CNKSR3: variants seen among roughly 807,000 people sequenced by gnomAD.
CNKSR3 encodes the protein CNKSR family member 3.
Under a neutral mutation model 67.7 loss-of-function variants are expected in CNKSR3, and 36 were observed. The observed-to-expected ratio is 0.53, with a 90% CI of 0.41 to 0.70. The LOEUF (loss-of-function observed/expected upper bound fraction) is 0.70. Among genes scored for constraint, CNKSR3 ranks in the 30% least tolerant of loss-of-function variants. The pLI is 0.00. For missense variants in CNKSR3, 630 were observed against 695.2 expected (o/e 0.91, Z 1.05); for synonymous variants, 281 against 271.4 (o/e 1.04, Z -0.35).
At chr6:154,452,768 TAGAAG>T in intron 1 of CNKSR3, among the ~76,000 whole-genome samples, 1 of 152,308 alleles carries the variant, frequency 6.6e-6, no homozygotes, top group East Asian at 1.9e-4. Flanking sequence ...GTGTCCTTAT[TAGAAG>T]AGGAGATAAC....
At chr6:154,465,164 AG>A (rs1562345387) in intron 1 of CNKSR3, among the ~76,000 whole-genome samples, 1 of 135,484 alleles carries the variant, frequency 7.4e-6, no homozygotes, top group Non-Finnish European at 1.6e-5. Context: ...AAAAAAAAAA[AG>A]GGGGTCTGTG....
In CNKSR3 at chr6:154,402,139, C is replaced by T. The variant is rs897952899; in HGVS notation, c.*4215G>A. ...ATACTTGTTCTGAAAGAGATGGTAC[C>T]CTCCCCCACCTCCGCCCAAGAGGCA... On this transcript the variant is annotated 3_prime_UTR_variant, in exon 13 of 13. Coordinates refer to ENST00000607772, the MANE Select transcript of CNKSR3 (RefSeq NM_173515.4). 6.6e-6 allele frequency: 1 copy of T among 152,032 alleles called. No homozygotes were observed. Among genetic ancestry groups the T allele is most frequent in the Non-Finnish European group, 1.5e-5 (1 of 68,024 alleles). 9.4% of individuals were successfully genotyped at this position (152,032 alleles called of 1,614,324 possible). A position where few individuals can be genotyped will look rare whatever the true frequency, so the allele number is the denominator to read the frequency against.
chr6:154,461,083 G>A (rs1296291528), intron 1 of CNKSR3, among the ~76,000 whole-genome samples: 1 of 152,184 alleles, frequency 6.6e-6, no homozygotes, highest in East Asian at 1.9e-4. Flanking sequence ...CATGAATAGG[G>A]GGCGGCTTGA....
At chr6:154,451,258 A>C (rs1414067833) in intron 1 of CNKSR3, among the ~76,000 whole-genome samples, 2 of 152,244 alleles carry the variant, frequency 1.3e-5, no homozygotes, top group Admixed American at 6.5e-5. Context: ...TGTACAGAGA[A>C]CTTGTTTTAA....
In CNKSR3 at chr6:154,400,344, T is replaced by A. The variant is rs546651514; in HGVS notation, c.*6010A>T. 6.6e-6 allele frequency: 1 copy of A among 152,234 alleles called. No homozygotes were observed. Among genetic ancestry groups the A allele is most frequent in the Non-Finnish European group, 1.5e-5 (1 of 68,042 alleles). 9.4% of individuals were successfully genotyped at this position (152,234 alleles called of 1,614,324 possible). A position where few individuals can be genotyped will look rare whatever the true frequency, so the allele number is the denominator to read the frequency against. On this transcript the variant is annotated 3_prime_UTR_variant, in exon 13 of 13. Coordinates refer to ENST00000607772, the MANE Select transcript of CNKSR3 (RefSeq NM_173515.4). ...AGGTATGTTGTAAATGGGCAGCGCA[T>A]GAACAGGTGATCAACTCAGAAGACG...
intron 1 of CNKSR3, among the ~76,000 whole-genome samples, chr6:154,487,119 A>G (rs1188101773): frequency 6.6e-6 from 1 of 152,174 alleles, no homozygotes; most frequent in African/African-American, 2.4e-5. Flanking sequence ...ATATTAACAC[A>G]CTGCATAAAG....
intron 7 of CNKSR3, among the ~76,000 whole-genome samples, chr6:154,426,602 A>G (rs901418503): frequency 5.9e-5 from 9 of 152,004 alleles, no homozygotes; most frequent in Non-Finnish European, 1.2e-4. Context: ...TGATCTGCCC[A>G]CCTCAGCCTC....
rs1333061673 is a variant in CNKSR3 at position 154,393,946 on chromosome 6, C to T, written c.*12408G>A. The T allele has an allele frequency of 2.0e-5, 3 of 152,142 alleles. No homozygotes were observed. The highest frequency in any genetic ancestry group is 6.5e-5 in the Admixed American group (1 of 15,280). 9.4% of individuals were successfully genotyped at this position (152,142 alleles called of 1,614,324 possible). A position where few individuals can be genotyped will look rare whatever the true frequency, so the allele number is the denominator to read the frequency against. ...TAAGCTAAATATCCAACTTAAGAAA[C>T]ATGTCAGAGACCACTCATCCTGACC... On this transcript the variant is annotated 3_prime_UTR_variant, in exon 13 of 13. Transcript: ENST00000607772.
At chr6:154,465,950 G>T (rs574439923) in intron 1 of CNKSR3, among the ~76,000 whole-genome samples, 1 of 152,228 alleles carries the variant, frequency 6.6e-6, no homozygotes, top group Admixed American at 6.5e-5. Flanking sequence ...ATGTTTGAAT[G>T]TATCTCTAGA....
At chr6:154,455,939 T>G (rs886392429) in intron 1 of CNKSR3, among the ~76,000 whole-genome samples, 1 of 151,888 alleles carries the variant, frequency 6.6e-6, no homozygotes, top group African/African-American at 2.4e-5. Context: ...TAATCTCCCC[T>G]AAGTGTAGAA....
rs1305463353 is a variant in CNKSR3 at position 154,392,422 on chromosome 6, C to G, written c.*13932G>C. 2 of 152,200 alleles carry G rather than the reference C, an allele frequency of 1.3e-5. No homozygotes were observed. Among genetic ancestry groups the G allele is most frequent in the African/African-American group, 2.4e-5 (1 of 41,444 alleles). The allele number at this position is 152,200 out of a possible 1,614,324, so 9.4% of individuals were successfully genotyped here. A position where few individuals can be genotyped will look rare whatever the true frequency, so the allele number is the denominator to read the frequency against. On this transcript the variant is annotated 3_prime_UTR_variant, in exon 13 of 13. Transcript: ENST00000607772. ...TGTTCTACAAAGGCAGATGGCCAAA[C>G]AGCACACATAACAGGCACCCTAGAG... is the stretch of plus-strand genomic sequence containing the variant.
rs544341437 is a variant in CNKSR3 at position 154,419,188 on chromosome 6, C to T, written c.945+3318G>A. Among the ~76,000 whole-genome samples the T allele has an allele frequency of 2.0e-5, 3 of 152,092 alleles. No individual in the cohort carries two copies. The East Asian group carries it at 5.8e-4, about 29-fold the overall frequency. On this transcript the variant is annotated intron_variant, in intron 9 of 12. Transcript: ENST00000607772. The stretch of plus-strand genomic sequence containing the variant: ...AGCTGGGACAACAGGTACGTGCCAC[C>T]ACACCCAGCTAGTTGGTTTTAAAAA...
At chr6:154,478,780 C>T (rs1306548488) in intron 1 of CNKSR3, among the ~76,000 whole-genome samples, 1 of 152,204 alleles carries the variant, frequency 6.6e-6, no homozygotes, top group East Asian at 1.9e-4. Flanking sequence ...CCCTGTAAAA[C>T]TATCTTGACA....
chr6:154,405,669 A>C lies in CNKSR3; in HGVS notation c.*685T>G, dbSNP rs559247753. The stretch of plus-strand genomic sequence containing the variant: ...CCCTTAAAGACAATAATATATAACA[A>C]CACCACCCCACACAAATAACCATAA... On this transcript the variant is annotated 3_prime_UTR_variant, in exon 13 of 13. Transcript: ENST00000607772. The C allele has an allele frequency of 1.7e-4, 26 of 152,322 alleles. No individual in the cohort carries two copies. Among genetic ancestry groups the C allele is most frequent in the African/African-American group, 4.6e-4 (19 of 41,566 alleles). The allele number at this position is 152,322 out of a possible 1,614,324, so 9.4% of individuals were successfully genotyped here. A position where few individuals can be genotyped will look rare whatever the true frequency, so the allele number is the denominator to read the frequency against.
In CNKSR3 at chr6:154,391,017, T is replaced by A. The variant is rs1584036678; in HGVS notation, c.*15337A>T. ...GGTTTCACCATTCTGGCCAGGCTGG[T>A]CTCGAACTCCTGACCTCAAGTGATT... On this transcript the variant is annotated 3_prime_UTR_variant, in exon 13 of 13. Coordinates refer to ENST00000607772, the MANE Select transcript of CNKSR3 (RefSeq NM_173515.4). 6.6e-6 allele frequency: 1 copy of A among 152,096 alleles called. No homozygotes were observed. The highest frequency in any genetic ancestry group is 2.1e-4 in the South Asian group (1 of 4,824). The allele number at this position is 152,096 out of a possible 1,614,324, so 9.4% of individuals were successfully genotyped here.
intron 1 of CNKSR3, among the ~76,000 whole-genome samples, chr6:154,480,474 C>G (rs944187663): frequency 3.9e-5 from 6 of 152,288 alleles, no homozygotes; most frequent in East Asian, 3.9e-4. Flanking sequence ...GCAGGTAAAG[C>G]CTTTGAGAGC....
At chr6:154,486,303 T>C (rs1226615054) in intron 1 of CNKSR3, among the ~76,000 whole-genome samples, 1 of 150,418 alleles carries the variant, frequency 6.6e-6, no homozygotes, top group Non-Finnish European at 1.5e-5. Flanking sequence ...CTTTTTCTTT[T>C]TTTTTTTTTT....
rs1584044780 is a variant in CNKSR3 at position 154,405,310 on chromosome 6, A to G, written c.*1044T>C. 1 of 152,806 alleles carries G rather than the reference A, an allele frequency of 6.5e-6. No homozygotes were observed. Among genetic ancestry groups the G allele is most frequent in the African/African-American group, 2.4e-5 (1 of 41,596 alleles). The allele number at this position is 152,806 out of a possible 1,614,324, so 9.5% of individuals were successfully genotyped here. A position where few individuals can be genotyped will look rare whatever the true frequency, so the allele number is the denominator to read the frequency against. ...CAATTACAGGTGACTAAGAGTAAGA[A>G]AAATATACAACTATATTTAAAATAC... On this transcript the variant is annotated 3_prime_UTR_variant, in exon 13 of 13. Transcript: ENST00000607772.
rs920656652 is a variant in CNKSR3 at position 154,455,954 on chromosome 6, T to C, written c.53-5696A>G. ...TAATCTCCCCTAAGTGTAGAAAGGA[T>C]TATATACATGAAGACTAAGAAGTTA... On this transcript the variant is annotated intron_variant, in intron 1 of 12. Transcript: ENST00000607772. Among the ~76,000 whole-genome samples, 3 of 152,120 alleles carry C rather than the reference T, an allele frequency of 2.0e-5. No individual in the cohort carries two copies. The South Asian group carries it at 6.2e-4, about 32-fold the overall frequency.
Sources: gnomAD v4.1 joint callset for allele counts (sites outside exome capture counted in the v4.1 genomes callset) on GRCh38, gnomAD v4.1.1 for gene constraint, MANE v1.5 for transcripts, NCBI Gene and HGNC (gene_info 2026-07-23, HGNC 2026-07-21) for gene names.